Variants in SGCZ observed in about 807,000 individuals in gnomAD.
The protein encoded by SGCZ is zeta-sarcoglycan.
Under a neutral mutation model 41.3 loss-of-function variants are expected in SGCZ, and 40 were observed. That is an observed-to-expected ratio of 0.97 (90% CI 0.75 to 1.26). The LOEUF (loss-of-function observed/expected upper bound fraction) is 1.26. Among genes scored for constraint, SGCZ ranks in the 50% most tolerant of loss-of-function variants. The pLI, the probability that SGCZ is intolerant of heterozygous loss-of-function variation, is 0.00. For missense variants in SGCZ, 552 were observed against 369.8 expected, an observed-to-expected ratio of 1.49 and a Z score of -4.04; for synonymous variants, 206 against 137.5, an observed-to-expected ratio of 1.50 and a Z score of -3.49.
At chr8:14,157,637 G>T (rs552981355) in intron 5 of SGCZ, among the ~76,000 whole-genome samples, 1 of 151,532 alleles carries the variant, frequency 6.6e-6, no homozygotes, top group Admixed American at 6.6e-5. Flanking sequence ...GAAGAATGTT[G>T]AAAGTACAGG....
At chr8:14,444,902 A>T (rs1162874191) in intron 2 of SGCZ, among the ~76,000 whole-genome samples, 1 of 152,162 alleles carries the variant, frequency 6.6e-6, no homozygotes, top group African/African-American at 2.4e-5. Flanking sequence ...ATAAAACTCA[A>T]CGCTGGATTC....
chr8:14,735,553 G>A (rs1207775934), intron 1 of SGCZ, among the ~76,000 whole-genome samples: 1 of 152,162 alleles, frequency 6.6e-6, no homozygotes, highest in Non-Finnish European at 1.5e-5. Flanking sequence ...ACAGACTGAT[G>A]CCTGCACTAT....
chr8:14,368,394 T>C (rs545356504), intron 2 of SGCZ, among the ~76,000 whole-genome samples: 1 of 152,068 alleles, frequency 6.6e-6, no homozygotes, highest in Non-Finnish European at 1.5e-5. Context: ...GCATACATTA[T>C]CCGTTAGATA....
intron 3 of SGCZ, among the ~76,000 whole-genome samples, chr8:14,290,735 GGAATGT>G (rs1303978642): frequency 1.6e-5 from 1 of 63,088 alleles, no homozygotes; most frequent in Non-Finnish European, 4.3e-5. Context: ...ACTGCTGGTG[GGAATGT>G]AAATGTAAAT....
chr8:14,735,201 G>A (rs764528889), intron 1 of SGCZ, among the ~76,000 whole-genome samples: 1 of 152,102 alleles, frequency 6.6e-6, no homozygotes, highest in South Asian at 2.1e-4. Context: ...TCAATATTAG[G>A]TGTCAACTTG....
At chr8:14,982,085 G>C (rs748283585) in intron 1 of SGCZ, among the ~76,000 whole-genome samples, 1 of 151,496 alleles carries the variant, frequency 6.6e-6, no homozygotes. Flanking sequence ...AGGAGGCGGA[G>C]TTTGCAGTGA....
At chr8:14,776,092 G>T (rs1035485417) in intron 1 of SGCZ, among the ~76,000 whole-genome samples, 1 of 152,136 alleles carries the variant, frequency 6.6e-6, no homozygotes, top group Non-Finnish European at 1.5e-5. Context: ...TACTGGAAGA[G>T]AAAAAAGTGA....
intron 2 of SGCZ, among the ~76,000 whole-genome samples, chr8:14,524,459 C>T (rs1471330110): frequency 6.6e-6 from 1 of 152,084 alleles, no homozygotes; most frequent in Non-Finnish European, 1.5e-5. Context: ...CTCAGTGATA[C>T]TGTAGTAGGG....
rs761563593 is a variant in SGCZ, at chr8:14,441,318, C to T, written c.234+113414G>A. Among the ~76,000 whole-genome samples the T allele has an allele frequency of 6.6e-5, 10 of 152,098 alleles. No individual in the cohort carries two copies. In the East Asian group the frequency reaches 1.2e-3, roughly 18 times the overall value. On this transcript the variant is annotated intron_variant, in intron 2 of 7. Transcript: ENST00000382080. ...TTGGCCGGGGACAGTGGCTCACGCCCGTAATCCCAGCACTTTGGGAGGCCA... is the reference window on the plus strand; with the variant it reads ...TTGGCCGGGGACAGTGGCTCACGCCTGTAATCCCAGCACTTTGGGAGGCCA...
intron 1 of SGCZ, among the ~76,000 whole-genome samples, chr8:14,922,396 G>T (rs1799614164): frequency 6.6e-6 from 1 of 152,046 alleles, no homozygotes; most frequent in Non-Finnish European, 1.5e-5. Context: ...AATAAATATT[G>T]AGAAAACAGT....
intron 1 of SGCZ, among the ~76,000 whole-genome samples, chr8:14,656,377 TTTC>T (rs781453353): frequency 1.3e-4 from 20 of 150,866 alleles, no homozygotes; most frequent in Non-Finnish European, 2.4e-4. Context: ...CTTTTCGTTT[TTTC>T]TTCTTTTTCT....
chr8:14,152,023 G>A (rs1272275580), intron 5 of SGCZ, among the ~76,000 whole-genome samples: 1 of 151,918 alleles, frequency 6.6e-6, no homozygotes, highest in Non-Finnish European at 1.5e-5. Flanking sequence ...GTAGAGTTAG[G>A]CACATAGTTC....
In SGCZ at chr8:14,109,977, G is replaced by T. The variant is rs1414025482; in HGVS notation, c.548-1742C>A. Among the ~76,000 whole-genome samples, 6 of 152,204 alleles carry T rather than the reference G, an allele frequency of 3.9e-5. No homozygotes were observed. The South Asian group carries it at 8.3e-4, about 21-fold the overall frequency. On this transcript the variant is annotated intron_variant, in intron 5 of 7. Coordinates refer to ENST00000382080, the MANE Select transcript of SGCZ (RefSeq NM_139167.4). ...TTCTCTCTCTCTCTGTCGCTCCTGA[G>T]ACTCTGTAGGACATATGGTCCTTGT...
intron 2 of SGCZ, among the ~76,000 whole-genome samples, chr8:14,331,934 T>C (rs944772463): frequency 7.2e-5 from 11 of 151,918 alleles, no homozygotes; most frequent in African/African-American, 2.7e-4. Flanking sequence ...TATGTATTCA[T>C]ACTTATGAAA....
intron 1 of SGCZ, among the ~76,000 whole-genome samples, chr8:15,229,559 G>C (rs965391163): frequency 1.3e-4 from 20 of 152,192 alleles, no homozygotes; most frequent in Non-Finnish European, 2.9e-4. Context: ...AGTAAGAAGA[G>C]ATAGAATTTC....
chr8:14,670,654 A>G (rs1808072978), intron 1 of SGCZ, among the ~76,000 whole-genome samples: 1 of 152,216 alleles, frequency 6.6e-6, no homozygotes, highest in South Asian at 2.1e-4. Flanking sequence ...AATGTATAAT[A>G]TTAAGAACAC....
chr8:14,914,518 G>GT lies in SGCZ; in HGVS notation c.39+323066dup, dbSNP rs1429821182. Among the ~76,000 whole-genome samples the GT allele has an allele frequency of 2.7e-5, 4 of 149,340 alleles. No individual in the cohort carries two copies. The East Asian group carries it at 7.8e-4, about 29-fold the overall frequency. ...TTGGCAAAAGGTCGTTTGGAAGCAG[G>GT]TAAGAGACAGTGAAAAAAAAATGCA... On this transcript the variant is annotated intron_variant, in intron 1 of 7. Transcript: ENST00000382080.
chr8:14,090,172 G>C lies in SGCZ; in HGVS notation c.*271C>G, dbSNP rs1231602219. The C allele has an allele frequency of 3.4e-6, 1 of 291,788 alleles. No homozygotes were observed. 18.1% of individuals were successfully genotyped at this position (291,788 alleles called of 1,614,324 possible). A position where few individuals can be genotyped will look rare whatever the true frequency, so the allele number is the denominator to read the frequency against. Reference sequence around the variant, plus strand: ...GTGTGCTTCACTTCGCGTAGCAAAGGCACCTATGTTATTCTCCCTTTCGAG... The same window carrying C: ...GTGTGCTTCACTTCGCGTAGCAAAGCCACCTATGTTATTCTCCCTTTCGAG... On this transcript the variant is annotated 3_prime_UTR_variant, in exon 8 of 8. Coordinates refer to ENST00000382080, the MANE Select transcript of SGCZ (RefSeq NM_139167.4).
At chr8:14,164,071 T>C (rs1804132334) in intron 5 of SGCZ, among the ~76,000 whole-genome samples, 2 of 152,170 alleles carry the variant, frequency 1.3e-5, no homozygotes, top group Non-Finnish European at 1.5e-5. Flanking sequence ...GTGACCCCAA[T>C]ATTATAATAA....
Sources: gnomAD v4.1 joint callset for allele counts (sites outside exome capture counted in the v4.1 genomes callset) on GRCh38, gnomAD v4.1.1 for gene constraint, MANE v1.5 for transcripts, NCBI Gene and HGNC (gene_info 2026-07-23, HGNC 2026-07-21) for gene names.